Variants in ASTN1 observed in about 807,000 individuals in gnomAD.
ASTN1 encodes the protein astrotactin 1, also known as astrotactin-1.
In ASTN1, 41 loss-of-function variants were observed where a neutral mutation model predicts 140.7. The observed-to-expected ratio is 0.29, with a 90% CI of 0.23 to 0.38. The LOEUF (loss-of-function observed/expected upper bound fraction) is 0.38. Ranked by LOEUF, ASTN1 falls within the 10% of genes least tolerant of loss-of-function variation. The pLI is 1.00. For missense variants in ASTN1, 1,479 were observed against 1,678.8 expected, an observed-to-expected ratio of 0.88 and a Z score of 2.08; for synonymous variants, 640 against 652.2, an observed-to-expected ratio of 0.98 and a Z score of 0.29.
intron 2 of ASTN1, among the ~76,000 whole-genome samples, chr1:177,054,351 A>G (rs1677690631): frequency 6.6e-6 from 1 of 152,224 alleles, no homozygotes. Flanking sequence ...GATGATGACA[A>G]TGATGATGGT....
intron 1 of ASTN1, among the ~76,000 whole-genome samples, chr1:177,085,108 A>G (rs932666112): frequency 6.6e-6 from 1 of 152,190 alleles, no homozygotes; most frequent in Admixed American, 6.5e-5. Context: ...AATGGCTGGT[A>G]CTAGTCCATA....
At chr1:177,143,946 C>A (rs1005027288) in intron 1 of ASTN1, among the ~76,000 whole-genome samples, 2 of 152,098 alleles carry the variant, frequency 1.3e-5, no homozygotes, top group Non-Finnish European at 2.9e-5. Flanking sequence ...GCAACTTTTA[C>A]ATAAGCCTAA....
chr1:177,085,096 T>A (rs1412944900), intron 1 of ASTN1, among the ~76,000 whole-genome samples: 1 of 152,190 alleles, frequency 6.6e-6, no homozygotes, highest in African/African-American at 2.4e-5. Flanking sequence ...TGAGACTTAC[T>A]AAATGGCTGG....
intron 21 of ASTN1, among the ~76,000 whole-genome samples, chr1:176,871,444 G>T (rs1016326191): frequency 6.6e-6 from 1 of 152,182 alleles, no homozygotes; most frequent in Non-Finnish European, 1.5e-5. Flanking sequence ...CCCTGGTTGT[G>T]GTAGTCTTTG....
intron 20 of ASTN1, among the ~76,000 whole-genome samples, chr1:176,881,994 T>C (rs1370590704): frequency 1.3e-5 from 2 of 152,226 alleles, no homozygotes; most frequent in Admixed American, 6.5e-5. Context: ...ACGACATCAC[T>C]ATGAATTCTG....
intron 21 of ASTN1, among the ~76,000 whole-genome samples, chr1:176,871,806 T>C (rs996655867): frequency 6.6e-6 from 1 of 152,204 alleles, no homozygotes; most frequent in Non-Finnish European, 1.5e-5. Context: ...GTATTTTTAG[T>C]TATAATTTTA....
At chr1:176,917,828 C>T (rs918817689) in intron 16 of ASTN1, among the ~76,000 whole-genome samples, 16 of 152,204 alleles carry the variant, frequency 1.1e-4, no homozygotes, top group African/African-American at 3.6e-4. Flanking sequence ...CCCTTCAGGA[C>T]TGGGCACAAC....
intron 9 of ASTN1, among the ~76,000 whole-genome samples, 192 bp from the exon 10 acceptor site, chr1:176,958,674 A>T (rs1241512610): frequency 1.3e-5 from 2 of 152,248 alleles, no homozygotes; most frequent in African/African-American, 2.4e-5. Flanking sequence ...ATGGCCAGGC[A>T]GCTGGAGAAC....
At chr1:176,931,057 C>A (rs1557968593) in intron 16 of ASTN1, among the ~76,000 whole-genome samples, 1 of 152,074 alleles carries the variant, frequency 6.6e-6, no homozygotes, top group South Asian at 2.1e-4. Context: ...ACCTCACGAC[C>A]TTTTCTGAGG....
At chr1:177,028,761 A>G (rs1328405676) in intron 5 of ASTN1, among the ~76,000 whole-genome samples, 2 of 152,208 alleles carry the variant, frequency 1.3e-5, no homozygotes, top group Admixed American at 1.3e-4. Context: ...ATCTCCAAAA[A>G]GGCACATTTT....
At chr1:176,983,208 G>T (rs1429597091) in intron 8 of ASTN1, among the ~76,000 whole-genome samples, 2 of 152,162 alleles carry the variant, frequency 1.3e-5, no homozygotes, top group Non-Finnish European at 2.9e-5. Context: ...GTGGAAGGCA[G>T]AGGCCTGGGA....
intron 11 of ASTN1, among the ~76,000 whole-genome samples, chr1:176,950,154 C>G (rs1372628666): frequency 6.6e-6 from 1 of 152,210 alleles, no homozygotes; most frequent in African/African-American, 2.4e-5. Flanking sequence ...ACTTGGTGAG[C>G]AATTACAGCA....
chr1:177,037,186 A>T (rs1015268935), intron 2 of ASTN1, among the ~76,000 whole-genome samples: 9 of 152,104 alleles, frequency 5.9e-5, no homozygotes, highest in South Asian at 2.1e-4. Context: ...AATATCATGG[A>T]TACTGTAGGA....
chr1:177,020,987 A>G (rs758315882), intron 7 of ASTN1, among the ~76,000 whole-genome samples: 1 of 152,232 alleles, frequency 6.6e-6, no homozygotes, highest in Non-Finnish European at 1.5e-5. Flanking sequence ...TAAGCTAGCT[A>G]GAGGATTTCA....
chr1:177,147,319 T>C (rs1440544562), intron 1 of ASTN1, among the ~76,000 whole-genome samples: 2 of 152,136 alleles, frequency 1.3e-5, no homozygotes, highest in East Asian at 3.9e-4. Flanking sequence ...AGTTCAATGG[T>C]ACCAAGCTCA....
chr1:176,874,062 A>T (rs1232397171), intron 21 of ASTN1, among the ~76,000 whole-genome samples: 12 of 151,790 alleles, frequency 7.9e-5, no homozygotes, highest in Non-Finnish European at 4.4e-5. Flanking sequence ...CCTGCTGCCT[A>T]CTCCCTGATT....
chr1:177,146,968 C>T (rs1682746526), intron 1 of ASTN1, among the ~76,000 whole-genome samples: 1 of 151,944 alleles, frequency 6.6e-6, no homozygotes, highest in African/African-American at 2.4e-5. Context: ...GACATGTACT[C>T]AAGGGTCAAT....
At chr1:177,150,683 C>T (rs1366273370) in intron 1 of ASTN1, among the ~76,000 whole-genome samples, 1 of 151,868 alleles carries the variant, frequency 6.6e-6, no homozygotes, top group African/African-American at 2.4e-5. Flanking sequence ...AGGGTGTGAC[C>T]CTAGTTATGG....
chr1:176,992,023 A>G (rs768533269), intron 8 of ASTN1, among the ~76,000 whole-genome samples: 1 of 152,210 alleles, frequency 6.6e-6, no homozygotes, highest in Non-Finnish European at 1.5e-5. Context: ...CTGAAAATGT[A>G]TTAGTAGATA....
Sources: allele counts gnomAD v4.1 joint callset (sites outside exome capture counted in the v4.1 genomes callset), GRCh38; gene constraint gnomAD v4.1.1; transcripts MANE v1.5; gene names NCBI Gene and HGNC (gene_info 2026-07-23, HGNC 2026-07-21).